Variants in UPF3B observed in about 807,000 individuals in gnomAD.
UPF3B encodes the protein UPF3B regulator of nonsense mediated mRNA decay.
A neutral mutation model predicts 40.3 loss-of-function variants in UPF3B; 7 were observed. The ratio of observed to expected loss-of-function variants is 0.17; its 90% CI spans 0.10 to 0.33. The LOEUF is 0.33. UPF3B is among the 10% of genes least tolerant of loss of function. The pLI is 1.00. For synonymous variants in UPF3B, 117 were observed against 117.3 expected, an observed-to-expected ratio of 1.00 and a Z score of 0.01; for missense variants, 229 against 358.9, an observed-to-expected ratio of 0.64 and a Z score of 2.93.
chrX:119,837,832 A>G lies in UPF3B; in HGVS notation c.1227T>C (p.Ser409=). 8.3e-7 allele frequency: 1 copy of G among 1,209,979 alleles called. No homozygotes were observed. The highest frequency in any genetic ancestry group is 1.1e-6 in the Non-Finnish European group (1 of 895,064). Residue 409 remains serine, a synonymous_variant, in exon 10 of 11, where the codon AGT becomes AGC. Coordinates refer to ENST00000276201, the MANE Select transcript of UPF3B (RefSeq NM_080632.3). ...TTTCTGAGCTGCCTATTGATTCTGT[A>G]CTTTCAGCCTTCTTTCCTTTATCCC... The part of the protein sequence containing the change: ...TLRDKGKKAE[S]TESIGSSEKT...
Position 119,834,350 on chromosome X carries a change from T to C in UPF3B, c.*528A>G, listed in dbSNP as rs2056068238. ...GAAGTAACATAACTATTTAAATTTT[T>C]GTATCAACGAAAGTGTGTTCTATCC... On this transcript the variant is annotated 3_prime_UTR_variant, in exon 11 of 11. Coordinates refer to ENST00000276201, the MANE Select transcript of UPF3B (RefSeq NM_080632.3). The C allele has an allele frequency of 1.3e-6, 1 of 758,229 alleles. No individual in the cohort carries two copies. Among genetic ancestry groups the C allele is most frequent in the Non-Finnish European group, 1.6e-6 (1 of 641,386 alleles). 62.5% of individuals were successfully genotyped at this position (758,229 alleles called of 1,213,427 possible).
intron 3 of UPF3B, among the ~76,000 whole-genome samples, chrX:119,845,818 CTA>C (rs772363882): frequency 2.7e-5 from 3 of 110,762 alleles, no homozygotes; most frequent in African/African-American, 9.8e-5. Context: ...AAAAGGGTGA[CTA>C]TTTCAGGCAT....
chrX:119,813,312 C>T (rs904975377), intron 5 of UPF3B, among the ~76,000 whole-genome samples: 7 of 110,313 alleles, frequency 6.3e-5, no homozygotes, highest in Non-Finnish European at 1.1e-4. Flanking sequence ...GGTTATGGGG[C>T]GGATCCCTCA....
intron 7 of UPF3B, 24 bp downstream of exon 7, chrX:119,841,052 C>G: frequency 1.7e-6 from 2 of 1,205,843 alleles, no homozygotes; most frequent in Non-Finnish European, 2.2e-6. Flanking sequence ...TAGCAACATG[C>G]AGTCAGTTTC....
chrX:119,849,502 A>AG (rs747340416), intron 3 of UPF3B, among the ~76,000 whole-genome samples: 21 of 82,215 alleles, frequency 2.6e-4, no homozygotes, highest in East Asian at 1.9e-3. Context: ...TCAAAAAAAA[A>AG]AAGAGAGAGA....
chrX:119,841,969 TA>T (rs2056166143), intron 5 of UPF3B, among the ~76,000 whole-genome samples, 191 bp from the exon 6 acceptor site: 1 of 112,363 alleles, frequency 8.9e-6, no homozygotes, highest in East Asian at 2.8e-4. Context: ...AAATACCTTT[TA>T]AAAAGTAAAG....
At chrX:119,835,795 G>C (rs1210545307) in intron 10 of UPF3B, among the ~76,000 whole-genome samples, 1 of 111,162 alleles carries the variant, frequency 9.0e-6, no homozygotes, top group Non-Finnish European at 1.9e-5. Flanking sequence ...GAGCAACATA[G>C]GGAGACCTCA....
intron 3 of UPF3B, among the ~76,000 whole-genome samples, chrX:119,825,615 C>A (rs1176215720): frequency 1.8e-5 from 2 of 111,504 alleles, no homozygotes; most frequent in Non-Finnish European, 3.8e-5. Context: ...GAGCCCCTAT[C>A]AGAACAAAAT....
At chrX:119,831,593 A>G, downstream of UPF3B, 2 of 546,411 alleles carry the variant, frequency 3.7e-6, no homozygotes, top group Non-Finnish European at 2.2e-6. Context: ...TGCTGGGATT[A>G]CAGGTGTGCG....
chrX:119,806,569 G>A (rs892631017), intron 6 of UPF3B, among the ~76,000 whole-genome samples: 1 of 111,642 alleles, frequency 9.0e-6, no homozygotes, highest in African/African-American at 3.3e-5. Flanking sequence ...AAAACTAAAA[G>A]TAATCCTTAA....
chrX:119,817,498 TC>T (rs1056304649), intron 4 of UPF3B, among the ~76,000 whole-genome samples: 1 of 111,691 alleles, frequency 9.0e-6, no homozygotes, highest in Non-Finnish European at 1.9e-5. Context: ...CCTACCAAGC[TC>T]CTCCCTTGAC....
chrX:119,840,184 G>A (rs1326717329), intron 8 of UPF3B, among the ~76,000 whole-genome samples: 1 of 112,015 alleles, frequency 8.9e-6, no homozygotes, highest in Non-Finnish European at 1.9e-5. Context: ...AAGGGAAGTG[G>A]CAAGGTTGGG....
At chrX:119,809,983 A>G (rs1244954402) in intron 5 of UPF3B, among the ~76,000 whole-genome samples, 1 of 112,091 alleles carries the variant, frequency 8.9e-6, no homozygotes, top group African/African-American at 3.2e-5. Context: ...CAGTTTATAA[A>G]AATAGTTAAT....
At chrX:119,826,307 CCT>C (rs2055978315) in intron 3 of UPF3B, among the ~76,000 whole-genome samples, 1 of 110,276 alleles carries the variant, frequency 9.1e-6, no homozygotes, top group African/African-American at 3.3e-5. Context: ...ATGGTGAAAC[CCT>C]GTCTCTACTG....
chrX:119,823,551 T>A (rs2055944567), intron 3 of UPF3B, among the ~76,000 whole-genome samples: 1 of 88,643 alleles, frequency 1.1e-5, no homozygotes, highest in South Asian at 5.7e-4. Flanking sequence ...TCTTTTCTTT[T>A]TTTCCTCTTT....
chrX:119,805,735 C>T (rs1305275423), intron 6 of UPF3B, among the ~76,000 whole-genome samples: 1 of 108,364 alleles, frequency 9.2e-6, no homozygotes, highest in Admixed American at 1.0e-4. Flanking sequence ...TGAAAAAATG[C>T]TCATCATCCC....
At chrX:119,839,394 C>A (rs1170612807) in intron 8 of UPF3B, among the ~76,000 whole-genome samples, 3 of 112,161 alleles carry the variant, frequency 2.7e-5, no homozygotes, top group Non-Finnish European at 5.6e-5. Flanking sequence ...ATCTAAAGGC[C>A]TTATACAACC....
intron 9 of UPF3B, 46 bp downstream of exon 9, chrX:119,838,321 C>T: frequency 8.4e-7 from 1 of 1,192,796 alleles, no homozygotes; most frequent in Non-Finnish European, 1.1e-6. Context: ...AGCAGCAAAA[C>T]TAGCATGTAT....
intron 3 of UPF3B, among the ~76,000 whole-genome samples, chrX:119,828,445 G>GATGAC (rs2056003138): frequency 2.7e-5 from 3 of 111,513 alleles, no homozygotes; most frequent in African/African-American, 9.8e-5. Flanking sequence ...GCTAAGGTGG[G>GATGAC]CAGATTGCTT....
Sources: allele counts gnomAD v4.1 joint callset (sites outside exome capture counted in the v4.1 genomes callset), GRCh38; gene constraint gnomAD v4.1.1; transcripts MANE v1.5; gene names NCBI Gene and HGNC (gene_info 2026-07-23, HGNC 2026-07-21).